Variants in AFAP1L2 observed in about 807,000 individuals in gnomAD.
AFAP1L2 encodes actin filament-associated protein 1-like 2.
AFAP1L2 carries 46 observed loss-of-function variants against 99.3 expected under a neutral mutation model. The ratio of observed to expected loss-of-function variants is 0.46; its 90% CI spans 0.37 to 0.59. The LOEUF (loss-of-function observed/expected upper bound fraction) is 0.59. Among genes scored for constraint, AFAP1L2 ranks in the 20% least tolerant of loss-of-function variants. AFAP1L2 has a pLI of 0.00. For missense variants in AFAP1L2, 959 were observed against 1,034.9 expected, an observed-to-expected ratio of 0.93 and a Z score of 1.01; for synonymous variants, 397 against 419.1, an observed-to-expected ratio of 0.95 and a Z score of 0.64.
the AFAP1L2 span, chr10:114,286,623 C>A: frequency 2.3e-6 from 2 of 869,706 alleles, no homozygotes; most frequent in African/African-American, 1.7e-5. Flanking sequence ...GGGCTGAAAC[C>A]ACAGCCCCAC....
Position 114,310,367 on chromosome 10 carries a change from A to T in AFAP1L2, c.869T>A (p.Phe290Tyr), listed in dbSNP as rs766496642. ...GNQYTPDAQR[F>Y]NCQKPDIAEK... ...GCAGAGGCTTACTTTCTGGCAGTTA[A>T]AGCGCTGGGCATCCGGGGTGTACTG... is the stretch of plus-strand genomic sequence containing the variant. Residue 290 changes from phenylalanine (F) to tyrosine (Y), a missense_variant, in exon 8 of 19, where the codon TTT becomes TAT. This residue lies in a region of AFAP1L2 where 383 missense variants were observed against 472.8 expected (regional missense o/e 0.81). Coordinates refer to ENST00000304129, the MANE Select transcript of AFAP1L2 (RefSeq NM_001001936.3). 2 of 1,613,206 alleles carry T rather than the reference A, an allele frequency of 1.2e-6. No individual in the cohort carries two copies. The highest frequency in any genetic ancestry group is 4.5e-5 in the East Asian group (2 of 44,770).
intron 14 of AFAP1L2, 39 bp from the exon 15 acceptor site, chr10:114,300,401 G>A: frequency 6.2e-7 from 1 of 1,609,864 alleles, no homozygotes; most frequent in African/African-American, 1.4e-5. Context: ...TGGCTGAAGG[G>A]GCGCAGGAAG....
intron 2 of AFAP1L2, among the ~76,000 whole-genome samples, chr10:114,337,457 C>T (rs758553247): frequency 3.3e-5 from 5 of 152,234 alleles, no homozygotes; most frequent in Non-Finnish European, 7.3e-5. Flanking sequence ...TGGCTATTAA[C>T]AAGTGGGCTT....
chr10:114,392,215 G>A (rs540563256), intron 1 of AFAP1L2, among the ~76,000 whole-genome samples: 5 of 152,148 alleles, frequency 3.3e-5, no homozygotes, highest in South Asian at 2.1e-4. Context: ...GCAAGACCCC[G>A]CCTCTACAAA....
rs150434447 is a variant in AFAP1L2, at chr10:114,311,948, C to T, written c.793-1505G>A. 1.0e-2 allele frequency among the ~76,000 whole-genome samples: 1,523 copies of T among 152,358 alleles called. 16 individuals carry two copies. The highest frequency in any genetic ancestry group is 0.017 in the Non-Finnish European group (1,135 of 68,034). Reference sequence around the variant, plus strand: ...CATCAGACAGGTGGACCAGCCCCCACTGCCAAAGCGCAAGAGTGGGCGGCT... The same window carrying T: ...CATCAGACAGGTGGACCAGCCCCCATTGCCAAAGCGCAAGAGTGGGCGGCT... On this transcript the variant is annotated intron_variant, in intron 7 of 18. Coordinates refer to ENST00000304129, the MANE Select transcript of AFAP1L2 (RefSeq NM_001001936.3).
In AFAP1L2 at chr10:114,304,703, T is replaced by A. The variant is rs757856847; in HGVS notation, c.1284+16A>T. 1 of 1,589,492 alleles carries A rather than the reference T, an allele frequency of 6.3e-7. No homozygotes were observed. Among genetic ancestry groups the A allele is most frequent in the Admixed American group, 1.7e-5 (1 of 59,340 alleles). On this transcript the variant is annotated intron_variant, in intron 11 of 18. Coordinates refer to ENST00000304129, the MANE Select transcript of AFAP1L2 (RefSeq NM_001001936.3). ...ACACCCTGGCTGGCCCTGCTCCCCC[T>A]GCAGGCCGGCGGTACCTCAAGCTTG...
the AFAP1L2 span, among the ~76,000 whole-genome samples, chr10:114,287,176 G>A: frequency 6.6e-6 from 1 of 152,160 alleles, no homozygotes; most frequent in African/African-American, 2.4e-5. Flanking sequence ...TGTAGTAGCT[G>A]AAACACGTCT....
At chr10:114,321,821 A>T (rs1036169902) in intron 5 of AFAP1L2, among the ~76,000 whole-genome samples, 44 of 152,338 alleles carry the variant, frequency 2.9e-4, no homozygotes, top group South Asian at 6.2e-4. Flanking sequence ...GAGAGCCATC[A>T]GCCAAGGACA....
chr10:114,335,612 CAA>C (rs57598926), intron 2 of AFAP1L2, among the ~76,000 whole-genome samples: 3 of 131,938 alleles, frequency 2.3e-5, no homozygotes, highest in Admixed American at 7.6e-5. Context: ...GACTCCGTCT[CAA>C]AAAAAAAAAA....
At chr10:114,337,023 C>T (rs1049199301) in intron 2 of AFAP1L2, among the ~76,000 whole-genome samples, 1 of 152,194 alleles carries the variant, frequency 6.6e-6, no homozygotes, top group Non-Finnish European at 1.5e-5. Flanking sequence ...CACCTCGCCT[C>T]CACCTACAAG....
rs544715983 is a variant in AFAP1L2 at position 114,338,733 on chromosome 10, G to A, written c.145+1870C>T. Among the ~76,000 whole-genome samples the A allele has an allele frequency of 3.9e-5, 6 of 152,324 alleles. No individual in the cohort carries two copies. In the South Asian group the frequency reaches 1.2e-3, roughly 32 times the overall value. On this transcript the variant is annotated intron_variant, in intron 2 of 18. Coordinates refer to ENST00000304129, the MANE Select transcript of AFAP1L2 (RefSeq NM_001001936.3). ...ACAGGCAATATCAACCAGCACAATG[G>A]TTGCTTGTGTTGGGCGGCTGGGAAT...
Position 114,367,699 on chromosome 10 carries a change from A to T in AFAP1L2, c.17-26968T>A, listed in dbSNP as rs117063167. Among the ~76,000 whole-genome samples, 509 of 152,288 alleles carry T rather than the reference A, an allele frequency of 3.3e-3. 2 individuals are homozygous for T. The highest frequency in any genetic ancestry group is 5.2e-3 in the Non-Finnish European group (353 of 68,024). ...TGAACTTGCAAGTTTATTTCAGGTT[A>T]TTCCAAGCTTTCCCGGGCAAGGAGG... On this transcript the variant is annotated intron_variant, in intron 1 of 18. Coordinates refer to ENST00000304129, the MANE Select transcript of AFAP1L2 (RefSeq NM_001001936.3).
intron 1 of AFAP1L2, chr10:114,362,893 T>A (rs1016415238): frequency 1.1e-6 from 1 of 934,406 alleles, no homozygotes; most frequent in Non-Finnish European, 1.3e-6. Context: ...AAACATTCAC[T>A]CTGCTGAAAC....
intron 1 of AFAP1L2, among the ~76,000 whole-genome samples, chr10:114,360,431 T>C (rs1214516055): frequency 6.6e-6 from 1 of 151,904 alleles, no homozygotes; most frequent in Non-Finnish European, 1.5e-5. Flanking sequence ...GTGTGAGTCA[T>C]TTCCTTATAA....
chr10:114,343,719 T>G (rs748783277), intron 1 of AFAP1L2, among the ~76,000 whole-genome samples: 31 of 152,322 alleles, frequency 2.0e-4, no homozygotes, highest in Admixed American at 7.2e-4. Flanking sequence ...AGGTTGCACC[T>G]GGCAAAAGTT....
chr10:114,312,372 A>G (rs559434200), intron 7 of AFAP1L2, among the ~76,000 whole-genome samples: 68 of 152,234 alleles, frequency 4.5e-4, no homozygotes, highest in African/African-American at 1.5e-3. Flanking sequence ...AAATGTATAC[A>G]TGAATGTGCA....
intron 1 of AFAP1L2, among the ~76,000 whole-genome samples, chr10:114,341,167 G>A (rs372577408): frequency 2.0e-5 from 3 of 152,218 alleles, no homozygotes; most frequent in Non-Finnish European, 4.4e-5. Context: ...GATCCTCTCC[G>A]GGTGGCTTTG....
intron 1 of AFAP1L2, among the ~76,000 whole-genome samples, chr10:114,390,065 GC>G (rs1338196640): frequency 1.7e-4 from 26 of 152,124 alleles, no homozygotes; most frequent in African/African-American, 6.3e-4. Flanking sequence ...TTCCTAATAT[GC>G]ACCTTTCCGT....
At chr10:114,284,805 G>T in the AFAP1L2 span, 14 of 1,513,168 alleles carry the variant, frequency 9.3e-6, no homozygotes, top group African/African-American at 1.7e-4. Context: ...CCTCTGGCCA[G>T]TCCTCTCCAC....
Sources: gnomAD v4.1 joint callset for allele counts (sites outside exome capture counted in the v4.1 genomes callset) on GRCh38, gnomAD v4.1.1 for gene constraint, gnomAD v4.1.1 regional missense constraint, MANE v1.5 for transcripts, NCBI Gene and HGNC (gene_info 2026-07-23, HGNC 2026-07-21) for gene names.